The following HMX2 variants were observed in gnomAD, a reference collection of about 807,000 sequenced individuals.
The protein encoded by HMX2 is H6 family homeobox 2.
HMX2 carries 15 observed loss-of-function variants against 21.2 expected under a neutral mutation model. The ratio of observed to expected loss-of-function variants is 0.71; its 90% CI spans 0.47 to 1.09. The LOEUF (loss-of-function observed/expected upper bound fraction) is 1.09, where lower values mean the gene tolerates loss of function less well. HMX2 is among the 50% of genes least tolerant of loss of function. The pLI is 0.00. For missense variants in HMX2, 440 were observed against 381.5 expected, an observed-to-expected ratio of 1.15 and a Z score of -1.28; for synonymous variants, 193 against 181.0, an observed-to-expected ratio of 1.07 and a Z score of -0.53.
Position 123,150,168 on chromosome 10 carries a change from G to T in HMX2, c.*45G>T, listed in dbSNP as rs1442763039. The stretch of plus-strand genomic sequence containing the variant: ...CGCCCCCAGCTGCCCGCAGAGCCGG[G>T]CGCGTACTGTACTGTAAGCAGGGCT... On this transcript the variant is annotated 3_prime_UTR_variant, in exon 2 of 2. Coordinates refer to ENST00000339992, the MANE Select transcript of HMX2 (RefSeq NM_005519.2). The surrounding 1 kb of genome is among the most constrained non-coding windows in gnomAD (Gnocchi z 4.2). 3.3e-5 allele frequency: 48 copies of T among 1,470,184 alleles called. No individual in the cohort carries two copies. Among genetic ancestry groups the T allele is most frequent in the Non-Finnish European group, 4.3e-5 (47 of 1,103,004 alleles). 91.1% of individuals were successfully genotyped at this position (1,470,184 alleles called of 1,614,324 possible). A position where few individuals can be genotyped will look rare whatever the true frequency, so the allele number is the denominator to read the frequency against.
In HMX2 at chr10:123,149,705, G is replaced by A. The variant is rs760900055; in HGVS notation, c.404G>A (p.Arg135Gln). ...GGCTCGCCCTCGCCGGGGTCCGAGC[G>A]GCCGCGGGACGGCGGCGCTGAGCGG... ...PAGSPSPGSE[R>Q]PRDGGAERQA... Residue 135 changes from arginine to glutamine, a missense_variant, in exon 2 of 2, where the codon CGG becomes CAG. Physicochemically the swap from Arg to Gln is conservative, Grantham distance 43. Transcript: ENST00000339992. The surrounding 1 kb of genome is among the most constrained non-coding windows in gnomAD (Gnocchi z 5.4). 17 of 1,563,318 alleles carry A rather than the reference G, an allele frequency of 1.1e-5. No individual in the cohort carries two copies. Among genetic ancestry groups the A allele is most frequent in the Admixed American group, 2.0e-5 (1 of 50,932 alleles).
chr10:123,150,042 C>T lies in HMX2; in HGVS notation c.741C>T (p.Ala247=), dbSNP rs781608041. 66 of 1,604,392 alleles carry T rather than the reference C, an allele frequency of 4.1e-5. No homozygotes were observed. The Middle Eastern group carries it at 6.6e-4, about 16-fold the overall frequency. The change falls in exon 2 of 2, where the codon GCC becomes GCT. Residue 247 remains alanine (A), a synonymous_variant. Coordinates refer to ENST00000339992, the MANE Select transcript of HMX2 (RefSeq NM_005519.2). This position sits in a 1 kb window ranked among gnomAD's most constrained non-coding sequence, Gnocchi z 4.2. ...GCGTGCCGGTGCCGCGCTCGCTCGC[C>T]TTTCCCGCGCCGCTCTACTACCCGG... The part of the protein sequence containing the change: ...LLRVPVPRSL[A]FPAPLYYPGS...
Position 123,148,562 on chromosome 10 carries a change from G to C in HMX2, c.184G>C (p.Ala62Pro). The change falls in exon 1 of 2, where the codon GCG becomes CCG. Residue 62 changes from alanine (A) to proline (P), a missense_variant. Ala to Pro is a conservative substitution (Grantham distance 27). Coordinates refer to ENST00000339992, the MANE Select transcript of HMX2 (RefSeq NM_005519.2). ...EEEEPDDGWK[A>P]PACFCPDQHG... is the part of the protein sequence containing the mutation. ...GGAGGAGCCGGACGACGGCTGGAAG[G>C]CGCCCGCCTGCTTCTGCCCAGACCA... The C allele has an allele frequency of 1.2e-6, 2 of 1,613,006 alleles. No individual in the cohort carries two copies. The highest frequency in any genetic ancestry group is 1.7e-6 in the Non-Finnish European group (2 of 1,179,804).
chr10:123,148,552 C>T lies in HMX2; in HGVS notation c.174C>T (p.Asp58=). 6.2e-7 allele frequency: 1 copy of T among 1,612,972 alleles called. No homozygotes were observed. The highest frequency in any genetic ancestry group is 1.1e-5 in the South Asian group (1 of 91,070). The part of the protein sequence containing the change: ...SVSSEEEEPD[D]GWKAPACFCP... ...CCTCGGAGGAGGAGGAGCCGGACGA[C>T]GGCTGGAAGGCGCCCGCCTGCTTCT... Residue 58 remains aspartate, a synonymous_variant, in exon 1 of 2, where the codon GAC becomes GAT. Coordinates refer to ENST00000339992, the MANE Select transcript of HMX2 (RefSeq NM_005519.2).
chr10:123,148,467 C>T lies in HMX2; in HGVS notation c.89C>T (p.Pro30Leu). 1 of 1,612,916 alleles carries T rather than the reference C, an allele frequency of 6.2e-7. No homozygotes were observed. Among genetic ancestry groups the T allele is most frequent in the Non-Finnish European group, 8.5e-7 (1 of 1,179,438 alleles). The change falls in exon 1 of 2, where the codon CCC (proline) becomes CTC (leucine). Residue 30 changes from proline (P) to leucine (L), a missense_variant. Coordinates refer to ENST00000339992, the MANE Select transcript of HMX2 (RefSeq NM_005519.2). ...FTIQSILGGG[P>L]SEAPREPVGW... ...ATCCAGTCCATCCTGGGCGGGGGCCCCTCGGAGGCACCGCGGGAGCCCGTC... is the reference window on the plus strand; with the variant it reads ...ATCCAGTCCATCCTGGGCGGGGGCCTCTCGGAGGCACCGCGGGAGCCCGTC...
chr10:123,148,731 C>G, intron 1 of HMX2, 85 bp downstream of exon 1: 1 of 1,508,714 alleles, frequency 6.6e-7, no homozygotes, highest in Non-Finnish European at 8.9e-7. Context: ...CCGCGCCGGG[C>G]CCCCTCTGGC....
rs1234762969 is a variant in HMX2, at chr10:123,148,466, C to T, written c.88C>T (p.Pro30Ser). The T allele has an allele frequency of 6.2e-7, 1 of 1,612,912 alleles. No homozygotes were observed. Residue 30 changes from proline to serine, a missense_variant, in exon 1 of 2, where the codon CCC becomes TCC. Pro to Ser is a moderately conservative substitution (Grantham distance 74, BLOSUM62 -1). Transcript: ENST00000339992. ...CATCCAGTCCATCCTGGGCGGGGGC[C>T]CCTCGGAGGCACCGCGGGAGCCCGT... The part of the protein sequence containing the change: ...FTIQSILGGG[P>S]SEAPREPVGW...
chr10:123,148,585 C>T lies in HMX2; in HGVS notation c.207C>T (p.Asp69=). 1.2e-6 allele frequency: 2 copies of T among 1,613,392 alleles called. No individual in the cohort carries two copies. Among genetic ancestry groups the T allele is most frequent in the Non-Finnish European group, 1.7e-6 (2 of 1,179,832 alleles). ...AGGCGCCCGCCTGCTTCTGCCCAGA[C>T]CAGCACGGCCCTAAGGAGCAGGGCC... ...GWKAPACFCP[D]QHGPKEQGPK... Residue 69 remains aspartate, a synonymous_variant, in exon 1 of 2, where the codon GAC becomes GAT. Transcript: ENST00000339992.
intron 1 of HMX2, 97 bp downstream of exon 1, chr10:123,148,743 A>G: frequency 6.8e-7 from 1 of 1,465,174 alleles, no homozygotes; most frequent in Non-Finnish European, 9.1e-7. Flanking sequence ...CCCTCTGGCC[A>G]GAGCTGCGGC....
rs527513619 is a variant in HMX2 at position 123,148,950 on chromosome 10, T to G, written c.268+304T>G. On this transcript the variant is annotated intron_variant, in intron 1 of 1. Transcript: ENST00000339992. Reference sequence around the variant, plus strand: ...CCCGGCTGTCCTCAATCACTGCACATCTGGTACTTTCTTTCCGGACACGAG... The same window carrying G: ...CCCGGCTGTCCTCAATCACTGCACAGCTGGTACTTTCTTTCCGGACACGAG... Among the ~76,000 whole-genome samples the G allele has an allele frequency of 2.6e-5, 4 of 152,318 alleles. No individual in the cohort carries two copies. The South Asian group carries it at 8.3e-4, about 32-fold the overall frequency.
Position 123,150,129 on chromosome 10 carries a change from C to CCGCCGCCCCG in HMX2, c.*16_*25dup, listed in dbSNP as rs754425037. On this transcript the variant is annotated 3_prime_UTR_variant, in exon 2 of 2. Transcript: ENST00000339992. The surrounding 1 kb of genome is among the most constrained non-coding windows in gnomAD (Gnocchi z 4.2). ...ACAACAAGCTCGACTACTGACCGGC[C>CCGCCGCCCCG]CGCCGCCCCGCGCCGCCCCCAGCTG... is the stretch of plus-strand genomic sequence containing the variant. The CCGCCGCCCCG allele has an allele frequency of 5.3e-6, 8 of 1,518,850 alleles. No homozygotes were observed. Among genetic ancestry groups the CCGCCGCCCCG allele is most frequent in the African/African-American group, 1.4e-5 (1 of 73,134 alleles). 94.1% of individuals were successfully genotyped at this position (1,518,850 alleles called of 1,614,324 possible).
In HMX2 at chr10:123,149,419, G is replaced by A; in HGVS notation, c.269-151G>A. 1 of 537,918 alleles carries A rather than the reference G, an allele frequency of 1.9e-6. No homozygotes were observed. The highest frequency in any genetic ancestry group is 3.0e-6 in the Non-Finnish European group (1 of 329,844). The allele number at this position is 537,918 out of a possible 1,614,324, so 33.3% of individuals were successfully genotyped here. On this transcript the variant is annotated intron_variant, in intron 1 of 1. Transcript: ENST00000339992. This position sits in a 1 kb window ranked among gnomAD's most constrained non-coding sequence, Gnocchi z 5.4. Reference sequence around the variant, plus strand: ...TTTTAAAGGACGGGGTGCTGGGTTTGGGGGGCCAGTGAGAGGGATAAGAGG... The same window carrying A: ...TTTTAAAGGACGGGGTGCTGGGTTTAGGGGGCCAGTGAGAGGGATAAGAGG...
Position 123,150,115 on chromosome 10 carries a change from G to C in HMX2, c.814G>C (p.Asp272His). 1 of 1,551,756 alleles carries C rather than the reference G, an allele frequency of 6.4e-7. No individual in the cohort carries two copies. Among genetic ancestry groups the C allele is most frequent in the Non-Finnish European group, 8.7e-7 (1 of 1,151,420 alleles). Residue 272 changes from aspartate to histidine, a missense_variant, in exon 2 of 2, where the codon GAC becomes CAC. Physicochemically the swap from Asp to His is moderately conservative, Grantham distance 81. Coordinates refer to ENST00000339992, the MANE Select transcript of HMX2 (RefSeq NM_005519.2). The surrounding 1 kb of genome is among the most constrained non-coding windows in gnomAD (Gnocchi z 4.2). The stretch of plus-strand genomic sequence containing the variant: ...TCTCTACAACCTATACAACAAGCTC[G>C]ACTACTGACCGGCCCGCCGCCCCGC... The part of the protein sequence containing the change: ...LPLYNLYNKL[D>H]Y
chr10:123,149,131 C>G lies in HMX2; in HGVS notation c.269-439C>G, dbSNP rs535976629. ...GATTGACAATGGTGCATTTCAGAGA[C>G]GGTTCCTCTTTACAACATTTGACGA... On this transcript the variant is annotated intron_variant, in intron 1 of 1. Transcript: ENST00000339992. The surrounding 1 kb of genome is among the most constrained non-coding windows in gnomAD (Gnocchi z 5.4). 1.3e-5 allele frequency among the ~76,000 whole-genome samples: 2 copies of G among 152,246 alleles called. No individual in the cohort carries two copies. The highest frequency in any genetic ancestry group is 1.3e-4 in the Admixed American group (2 of 15,310).
In HMX2 at chr10:123,148,228, AG is replaced by A. The variant is rs1464137588; in HGVS notation, c.-148del. 8 of 796,412 alleles carry A rather than the reference AG, an allele frequency of 1.0e-5. No individual in the cohort carries two copies. Among genetic ancestry groups the A allele is most frequent in the Middle Eastern group, 3.3e-4 (1 of 3,000 alleles). 49.3% of individuals were successfully genotyped at this position (796,412 alleles called of 1,614,324 possible). Reference sequence around the variant, plus strand: ...GGTGCCTGCATGTCCCTGGCGCGGAAGGGACGCCTCACCAGCCTCGGCGCCC... The same window carrying A: ...GGTGCCTGCATGTCCCTGGCGCGGAAGGACGCCTCACCAGCCTCGGCGCCC... On this transcript the variant is annotated 5_prime_UTR_variant, in exon 1 of 2. It removes the in-frame stop codon of an upstream open reading frame in the 5' UTR. Coordinates refer to ENST00000339992, the MANE Select transcript of HMX2 (RefSeq NM_005519.2).
Position 123,149,903 on chromosome 10 carries a change from G to C in HMX2, c.602G>C (p.Arg201Pro). ...GTAAAGACTTGGTTCCAGAACCGCC[G>C]CAACAAGTGGAAGCGGCAGCTCTCG... Reference protein sequence around the residue: ...TQVKTWFQNRRNKWKRQLSAE... With the variant: ...TQVKTWFQNRPNKWKRQLSAE... The change falls in exon 2 of 2, where the codon CGC (arginine) becomes CCC (proline). Residue 201 changes from arginine to proline, a missense_variant. Physicochemically the swap from Arg to Pro is moderately radical, Grantham distance 103. Transcript: ENST00000339992. The surrounding 1 kb of genome is among the most constrained non-coding windows in gnomAD (Gnocchi z 5.4). The C allele has an allele frequency of 6.2e-7, 1 of 1,612,824 alleles. No homozygotes were observed. The highest frequency in any genetic ancestry group is 8.5e-7 in the Non-Finnish European group (1 of 1,179,850).
chr10:123,148,270 C>A lies in HMX2; in HGVS notation c.-109C>A. ...CTCGGCGCCCCCTCCCCCTAGATTT[C>A]CTCCCCGCCCCTCCCCACTGCCTGC... is the stretch of plus-strand genomic sequence containing the variant. On this transcript the variant is annotated 5_prime_UTR_variant, in exon 1 of 2. Coordinates refer to ENST00000339992, the MANE Select transcript of HMX2 (RefSeq NM_005519.2). 347 of 600,298 alleles carry A rather than the reference C, an allele frequency of 5.8e-4. No homozygotes were observed. The highest frequency in any genetic ancestry group is 1.1e-3 in the East Asian group (24 of 20,892). The allele number at this position is 600,298 out of a possible 1,614,324, so 37.2% of individuals were successfully genotyped here. A position where few individuals can be genotyped will look rare whatever the true frequency, so the allele number is the denominator to read the frequency against.
rs1439974956 is a variant in HMX2 at position 123,148,591 on chromosome 10, C to G, written c.213C>G (p.His71Gln). 6 of 1,613,208 alleles carry G rather than the reference C, an allele frequency of 3.7e-6. No homozygotes were observed. The highest frequency in any genetic ancestry group is 1.7e-5 in the Admixed American group (1 of 59,990). Reference protein sequence around the residue: ...KAPACFCPDQHGPKEQGPKHH... With the variant: ...KAPACFCPDQQGPKEQGPKHH... ...CCGCCTGCTTCTGCCCAGACCAGCA[C>G]GGCCCTAAGGAGCAGGGCCCCAAGC... Residue 71 changes from histidine (H) to glutamine (Q), a missense_variant, in exon 1 of 2, where the codon CAC (histidine) becomes CAG (glutamine). His to Gln is a conservative substitution (Grantham distance 24). Coordinates refer to ENST00000339992, the MANE Select transcript of HMX2 (RefSeq NM_005519.2).
Position 123,148,592 on chromosome 10 carries a change from G to A in HMX2, c.214G>A (p.Gly72Ser), listed in dbSNP as rs369005055. The A allele has an allele frequency of 2.5e-6, 4 of 1,612,822 alleles. No individual in the cohort carries two copies. The African/African-American group carries it at 4.0e-5, about 16-fold the overall frequency. Residue 72 changes from glycine (G) to serine (S), a missense_variant, in exon 1 of 2, where the codon GGC (glycine) becomes AGC (serine). Transcript: ENST00000339992. ...APACFCPDQH[G>S]PKEQGPKHHP... is the part of the protein sequence containing the mutation. Reference sequence around the variant, plus strand: ...CGCCTGCTTCTGCCCAGACCAGCACGGCCCTAAGGAGCAGGGCCCCAAGCA... The same window carrying A: ...CGCCTGCTTCTGCCCAGACCAGCACAGCCCTAAGGAGCAGGGCCCCAAGCA...
Sources: gnomAD v4.1 joint callset for allele counts (sites outside exome capture counted in the v4.1 genomes callset) on GRCh38, gnomAD v4.1.1 for gene constraint, Gnocchi (gnomAD v3.1) non-coding constraint, MANE v1.5 for transcripts, NCBI Gene and HGNC (gene_info 2026-07-23, HGNC 2026-07-21) for gene names.